Variants in ENTPD5 observed in about 807,000 individuals in gnomAD.
ENTPD5 encodes the protein ectonucleoside triphosphate diphosphohydrolase 5 (inactive).
In ENTPD5, 49 loss-of-function variants were observed where a neutral mutation model predicts 60.2. The ratio of observed to expected loss-of-function variants is 0.81; its 90% confidence interval spans 0.65 to 1.03. The LOEUF is 1.03. Among genes scored for constraint, ENTPD5 ranks in the 50% least tolerant of loss-of-function variants. ENTPD5 has a pLI of 0.00. For missense variants in ENTPD5, 480 were observed against 507.6 expected, an observed-to-expected ratio of 0.95 and a Z score of 0.52; for synonymous variants, 187 against 185.4, an observed-to-expected ratio of 1.01 and a Z score of -0.07.
chr14:73,956,014 C>T (rs1171900249), downstream of ENTPD5: 9 of 1,577,652 alleles, frequency 5.7e-6, no homozygotes, highest in Non-Finnish European at 6.9e-6. Flanking sequence ...TTACAATATT[C>T]AGTGTCCACC....
chr14:73,968,508 C>A (rs1259201663), intron 15 of ENTPD5, among the ~76,000 whole-genome samples: 1 of 151,386 alleles, frequency 6.6e-6, no homozygotes, highest in Non-Finnish European at 1.5e-5. Context: ...TCATTGGAAC[C>A]TCTGCCTCCC....
rs371563593 is a variant in ENTPD5, at chr14:73,992,384, C to T, written c.-70-4212G>A. On this transcript the variant is annotated intron_variant, in intron 3 of 15. Transcript: ENST00000334696. ...CTCCCTCCCCACAGGTGACATATTA[C>T]ACAAAATAAAGCAAATTAGGCCAGG... 1.3e-4 allele frequency among the ~76,000 whole-genome samples: 20 copies of T among 152,218 alleles called. No individual in the cohort carries two copies. In the East Asian group the frequency reaches 1.7e-3, roughly 13 times the overall value.
intron 3 of ENTPD5, among the ~76,000 whole-genome samples, chr14:73,990,477 C>T (rs936080816): frequency 4.6e-5 from 7 of 151,412 alleles, no homozygotes; most frequent in Non-Finnish European, 8.8e-5. Context: ...TGGGATTACA[C>T]GTGTGTGCCT....
At chr14:73,958,954 C>T, downstream of ENTPD5, 1 of 1,613,256 alleles carries the variant, frequency 6.2e-7, no homozygotes, top group Non-Finnish European at 8.5e-7. Flanking sequence ...ACTTAGCAGG[C>T]TCATGTGTCC....
chr14:73,959,152 T>C (rs1176399323), downstream of ENTPD5: 3 of 1,614,220 alleles, frequency 1.9e-6, no homozygotes, highest in South Asian at 1.1e-5. Flanking sequence ...TTTTCTCCTC[T>C]CTGTTGCAGG....
intron 3 of ENTPD5, among the ~76,000 whole-genome samples, chr14:74,005,171 CAGG>C (rs2058632069): frequency 7.3e-6 from 1 of 137,824 alleles, no homozygotes; most frequent in Admixed American, 7.7e-5. Context: ...GAGGCTGAGG[CAGG>C]AGAATTGCTT....
At chr14:74,009,895 C>T (rs575651316) in intron 3 of ENTPD5, among the ~76,000 whole-genome samples, 17 of 152,176 alleles carry the variant, frequency 1.1e-4, no homozygotes, top group African/African-American at 3.9e-4. Context: ...GGGTTCAAGC[C>T]ATTCTCCTGC....
intron 3 of ENTPD5, among the ~76,000 whole-genome samples, chr14:73,995,200 C>T (rs141157929): frequency 1.1e-4 from 16 of 151,898 alleles, no homozygotes; most frequent in East Asian, 3.9e-4. Flanking sequence ...AAGCATGTGC[C>T]GCCGCGCCTG....
At position 73,975,986 on chromosome 14, in the gene ENTPD5, G is replaced by A. The variant is rs1437480029; in HGVS notation, c.672C>T (p.Tyr224=). ...TGTTAAACATCTCAAAGGAAGTGAGGTAGCCCCTAGGAGTTTGTTCCAGAG... is the reference window on the plus strand; with the variant it reads ...TGTTAAACATCTCAAAGGAAGTGAGATAGCCCCTAGGAGTTTGTTCCAGAG... ...EKTLEQTPRG[Y]LTSFEMFNST... is the part of the protein sequence containing the mutation. Residue 224 remains tyrosine, a synonymous_variant, in exon 10 of 16, where the codon TAC becomes TAT. Coordinates refer to ENST00000334696, the MANE Select transcript of ENTPD5 (RefSeq NM_001249.5). 2 of 1,613,508 alleles carry A rather than the reference G, an allele frequency of 1.2e-6. No individual in the cohort carries two copies. Among genetic ancestry groups the A allele is most frequent in the Admixed American group, 3.3e-5 (2 of 59,996 alleles).
At chr14:73,979,762 C>T (rs1438321104) in intron 6 of ENTPD5, among the ~76,000 whole-genome samples, 1 of 152,182 alleles carries the variant, frequency 6.6e-6, no homozygotes, top group South Asian at 2.1e-4. Context: ...TAAGCCACTG[C>T]ACCTGGCCCA....
At chr14:73,973,248 C>T (rs142456652) in intron 12 of ENTPD5, among the ~76,000 whole-genome samples, 1,985 of 152,334 alleles carry the variant, frequency 0.013, 20 homozygotes, top group South Asian at 0.03. Context: ...TCTGTATTCA[C>T]CAGATCATGG....
At chr14:74,018,515 G>A (rs1322638342) in intron 1 of ENTPD5, 1 of 152,230 alleles carries the variant, frequency 6.6e-6, no homozygotes, top group African/African-American at 2.4e-5. Context: ...TGAAAAATGA[G>A]AATACTTGTG....
downstream of ENTPD5, chr14:73,962,726 A>G: frequency 1.9e-6 from 1 of 523,564 alleles, no homozygotes; most frequent in South Asian, 2.6e-5. Flanking sequence ...CTGGGGAGGG[A>G]GGATTGCTTG....
At chr14:74,010,168 C>T (rs548447479) in intron 3 of ENTPD5, among the ~76,000 whole-genome samples, 42 of 152,286 alleles carry the variant, frequency 2.8e-4, no homozygotes, top group Non-Finnish European at 5.4e-4. Context: ...CTCAAATGAT[C>T]CACCAGCCTC....
rs747085797 is a variant in ENTPD5, at chr14:73,986,868, T to C, written c.243A>G (p.Glu81=). The C allele has an allele frequency of 2.4e-5, 38 of 1,613,924 alleles. No homozygotes were observed. Among genetic ancestry groups the C allele is most frequent in the Non-Finnish European group, 3.2e-5 (38 of 1,179,940 alleles). The change falls in exon 5 of 16, where the codon GAA becomes GAG. Residue 81 remains glutamate (E), a synonymous_variant. Coordinates refer to ENST00000334696, the MANE Select transcript of ENTPD5 (RefSeq NM_001249.5). ...MPGQLPILEG[E]VFDSVKPGLS... is the part of the protein sequence containing the mutation. The stretch of plus-strand genomic sequence containing the variant: ...GTCCTGGCTTCACAGAATCAAAAAC[T>C]TCCCCTTCTAGAATTGGAAGCTGTC...
downstream of ENTPD5, chr14:73,955,486 T>TAA: frequency 6.2e-7 from 1 of 1,614,172 alleles, no homozygotes; most frequent in Non-Finnish European, 8.5e-7. Context: ...CAACATGAGA[T>TAA]ACAGAGCCTT....
chr14:73,976,999 A>C, intron 8 of ENTPD5, 25 bp downstream of exon 8: 1 of 1,593,666 alleles, frequency 6.3e-7, no homozygotes, highest in Non-Finnish European at 8.6e-7. Context: ...GTTAAGCTCT[A>C]AAGATAAACT....
At chr14:73,958,354 G>A (rs775709668), downstream of ENTPD5, 6 of 1,604,192 alleles carry the variant, frequency 3.7e-6, no homozygotes, top group Admixed American at 8.4e-5. Context: ...TCTGGTTTTC[G>A]ATTTAAGCTA....
At chr14:73,960,560 C>T, downstream of ENTPD5, 5 of 1,009,892 alleles carry the variant, frequency 5.0e-6, no homozygotes, top group Non-Finnish European at 5.9e-6. Context: ...GTATATATTC[C>T]TGGCACAGGT....
Sources: gnomAD v4.1 joint callset for allele counts (sites outside exome capture counted in the v4.1 genomes callset) on GRCh38, gnomAD v4.1.1 for gene constraint, MANE v1.5 for transcripts, NCBI Gene and HGNC (gene_info 2026-07-23, HGNC 2026-07-21) for gene names.